FARP1: variants seen among roughly 807,000 people sequenced by gnomAD.
FARP1 encodes the protein FERM, ARH/RhoGEF and pleckstrin domain protein 1, also known as FERM, ARHGEF and pleckstrin domain-containing protein 1.
Under a neutral mutation model 128.8 loss-of-function variants are expected in FARP1, and 52 were observed. The observed-to-expected ratio is 0.40, with a 90% CI of 0.32 to 0.51. FARP1 has a LOEUF of 0.51. Ranked by LOEUF, FARP1 falls within the 20% of genes least tolerant of loss-of-function variation. The probability of loss-of-function intolerance (pLI) is 0.45; values close to 1 mark genes in which losing one functional copy is unlikely to be tolerated. For synonymous variants in FARP1, 580 were observed against 551.8 expected (o/e 1.05, Z -0.72); for missense variants, 1,333 against 1,367.9 (o/e 0.97, Z 0.40).
At chr13:98,171,588 G>A (rs1566693838) in intron 1 of FARP1, among the ~76,000 whole-genome samples, 1 of 152,128 alleles carries the variant, frequency 6.6e-6, no homozygotes, top group Non-Finnish European at 1.5e-5. Context: ...CAGGCATGTG[G>A]TTAATCTGCC....
chr13:98,256,009 C>T (rs1883570209), intron 2 of FARP1, among the ~76,000 whole-genome samples: 2 of 152,196 alleles, frequency 1.3e-5, no homozygotes, highest in African/African-American at 4.8e-5. Context: ...TTCTGGTGGG[C>T]CATTTGGCAA....
intron 2 of FARP1, among the ~76,000 whole-genome samples, chr13:98,288,968 CTTT>C (rs5806054): frequency 5.9e-4 from 80 of 134,862 alleles, no homozygotes; most frequent in East Asian, 3.5e-3. Context: ...GTTCCTATGG[CTTT>C]TTTTTTTTTT....
At chr13:98,281,982 C>G (rs543006587) in intron 2 of FARP1, among the ~76,000 whole-genome samples, 2 of 152,150 alleles carry the variant, frequency 1.3e-5, no homozygotes, top group African/African-American at 4.8e-5. Flanking sequence ...GCCCATCAGC[C>G]GAGTACTTTA....
intron 13 of FARP1, chr13:98,396,518 G>A (rs566421982): frequency 5.0e-6 from 2 of 399,134 alleles, no homozygotes; most frequent in East Asian, 3.6e-5. Flanking sequence ...TCTTCAGCCC[G>A]AGCAACCTGG....
At position 98,144,968 on chromosome 13, in the gene FARP1, T is replaced by A. The variant is rs1385091916; in HGVS notation, c.-24+1476T>A. Among the ~76,000 whole-genome samples, 10 of 152,212 alleles carry A rather than the reference T, an allele frequency of 6.6e-5. No homozygotes were observed. In the East Asian group the frequency reaches 1.9e-3, roughly 29 times the overall value. On this transcript the variant is annotated intron_variant, in intron 1 of 26. Transcript: ENST00000319562. The stretch of plus-strand genomic sequence containing the variant: ...TACAGCTAGCACATGGCTCACTTTA[T>A]ATTCCTGCAGCATCGTTCTGCAGCA...
chr13:98,341,898 CATTG>C (rs1221183446), intron 2 of FARP1, among the ~76,000 whole-genome samples: 16 of 152,280 alleles, frequency 1.1e-4, no homozygotes, highest in African/African-American at 2.9e-4. Context: ...TTTCAGCAGA[CATTG>C]ATTGATTGCC....
chr13:98,176,415 A>G lies in FARP1; in HGVS notation c.-24+32923A>G, dbSNP rs147722072. ...GCTCCAGCGCGCAGCTCTCGCAGAA[A>G]TAATGCCTGCACTTGGTGACGACTG... On this transcript the variant is annotated intron_variant, in intron 1 of 26. Transcript: ENST00000319562. This position sits in a 1 kb window ranked among gnomAD's most constrained non-coding sequence, Gnocchi z 6.2. The G allele has an allele frequency of 1.4e-5, 23 of 1,614,100 alleles. No individual in the cohort carries two copies. The highest frequency in any genetic ancestry group is 1.2e-4 in the African/African-American group (9 of 74,930).
chr13:98,221,745 A>G (rs1209888777), intron 2 of FARP1, among the ~76,000 whole-genome samples: 2 of 152,154 alleles, frequency 1.3e-5, no homozygotes, highest in Non-Finnish European at 2.9e-5. Context: ...TGGGTGAATC[A>G]TGTGTCCCTC....
intron 5 of FARP1, among the ~76,000 whole-genome samples, chr13:98,373,529 G>GACACACACAC (rs1555341442): frequency 2.5e-5 from 2 of 79,166 alleles, no homozygotes; most frequent in African/African-American, 6.0e-5. Context: ...GAGACAGACA[G>GACACACACAC]ACAGACACAC....
intron 10 of FARP1, chr13:98,390,466 A>G (rs3825437): frequency 0.17 from 70,593 of 423,068 alleles, 6,488 homozygotes; most frequent in East Asian, 0.27. Flanking sequence ...TTAACAAATC[A>G]TTGTCTGCCA....
chr13:98,200,488 G>A (rs950130258), intron 1 of FARP1, among the ~76,000 whole-genome samples: 11 of 150,254 alleles, frequency 7.3e-5, no homozygotes. Context: ...GCTGATTTGT[G>A]GGCACATTTT....
Position 98,176,615 on chromosome 13 carries a change from C to G in FARP1, c.-24+33123C>G, listed in dbSNP as rs564848599. The G allele has an allele frequency of 2.5e-6, 4 of 1,614,222 alleles. 1 individual carries two copies. The highest frequency in any genetic ancestry group is 3.3e-4 in the Middle Eastern group (2 of 6,062). ...TCGTGGAGGAATTTGCAGCTGTCCCCGAAGCCACAGAAGCCAGTCTCCTTG... is the reference window on the plus strand; with the variant it reads ...TCGTGGAGGAATTTGCAGCTGTCCCGGAAGCCACAGAAGCCAGTCTCCTTG... On this transcript the variant is annotated intron_variant, in intron 1 of 26. Coordinates refer to ENST00000319562, the MANE Select transcript of FARP1 (RefSeq NM_005766.4). This position sits in a 1 kb window ranked among gnomAD's most constrained non-coding sequence, Gnocchi z 6.2.
At chr13:98,252,545 G>C (rs1248242647) in intron 2 of FARP1, among the ~76,000 whole-genome samples, 1 of 152,248 alleles carries the variant, frequency 6.6e-6, no homozygotes, top group Non-Finnish European at 1.5e-5. Flanking sequence ...GAGTGCCCTG[G>C]TGGCAGATGG....
intron 2 of FARP1, among the ~76,000 whole-genome samples, chr13:98,248,936 A>T (rs1361901260): frequency 6.6e-6 from 1 of 152,050 alleles, no homozygotes; most frequent in African/African-American, 2.4e-5. Context: ...GGTGTTAGGG[A>T]AGCTTCATTT....
At chr13:98,226,212 G>C (rs1226505220) in intron 2 of FARP1, among the ~76,000 whole-genome samples, 1 of 152,186 alleles carries the variant, frequency 6.6e-6, no homozygotes, top group Non-Finnish European at 1.5e-5. Flanking sequence ...AGGAAAAGCT[G>C]GTCCTGTGCT....
intron 2 of FARP1, among the ~76,000 whole-genome samples, chr13:98,343,529 G>A (rs1172891995): frequency 6.6e-6 from 1 of 152,172 alleles, no homozygotes; most frequent in Admixed American, 6.5e-5. Flanking sequence ...GTGATGCCTG[G>A]CGTTGGAGTG....
intron 1 of FARP1, among the ~76,000 whole-genome samples, chr13:98,202,178 G>T (rs1879994398): frequency 6.6e-6 from 1 of 152,194 alleles, no homozygotes; most frequent in South Asian, 2.1e-4. Context: ...GCCAGCTCCT[G>T]GCGTGTGGCT....
At chr13:98,238,850 G>A (rs1399944661) in intron 2 of FARP1, among the ~76,000 whole-genome samples, 1 of 152,160 alleles carries the variant, frequency 6.6e-6, no homozygotes, top group Non-Finnish European at 1.5e-5. Flanking sequence ...GTTAATTTTT[G>A]GGGGAGTCAA....
intron 1 of FARP1, among the ~76,000 whole-genome samples, chr13:98,193,733 G>A (rs1879391258): frequency 6.6e-6 from 1 of 152,120 alleles, no homozygotes; most frequent in Non-Finnish European, 1.5e-5. Context: ...CAAATGCCTT[G>A]TGGAAATCCA....
Sources: allele counts gnomAD v4.1 joint callset (sites outside exome capture counted in the v4.1 genomes callset), GRCh38; gene constraint gnomAD v4.1.1; non-coding constraint Gnocchi (gnomAD v3.1); transcripts MANE v1.5; gene names NCBI Gene and HGNC (gene_info 2026-07-23, HGNC 2026-07-21).